Variants in CACNB4 observed in about 807,000 individuals in gnomAD.
The protein encoded by CACNB4 is voltage-dependent L-type calcium channel subunit beta-4.
CACNB4 carries 32 observed loss-of-function variants against 71.2 expected under a neutral mutation model. The observed-to-expected ratio is 0.45, with a 90% CI of 0.34 to 0.60. The LOEUF (loss-of-function observed/expected upper bound fraction) is 0.60. Among genes scored for constraint, CACNB4 ranks in the 20% least tolerant of loss-of-function variants. The pLI is 0.01. For missense variants in CACNB4, 464 were observed against 647.9 expected (o/e 0.72, Z 3.08); for synonymous variants, 231 against 236.9 (o/e 0.97, Z 0.23).
intron 2 of CACNB4, among the ~76,000 whole-genome samples, chr2:152,080,372 C>T (rs1262100436): frequency 3.9e-5 from 6 of 152,110 alleles, no homozygotes; most frequent in African/African-American, 9.7e-5. Context: ...CCCCCTGCCT[C>T]GACCTCCCAA....
rs2099835604 is a variant in CACNB4 at position 151,839,439 on chromosome 2, A to G, written c.1303-60T>C. Reference sequence around the variant, plus strand: ...GTCAGCTTCATTCATCTAAACATGTAAATGTATGTAAAATCATAGGATCTG... The same window carrying G: ...GTCAGCTTCATTCATCTAAACATGTGAATGTATGTAAAATCATAGGATCTG... On this transcript the variant is annotated intron_variant, in intron 13 of 13. Transcript: ENST00000539935. 11 of 1,308,082 alleles carry G rather than the reference A, an allele frequency of 8.4e-6. No homozygotes were observed. In the South Asian group the frequency reaches 1.2e-4, roughly 14 times the overall value. 81.0% of individuals were successfully genotyped at this position (1,308,082 alleles called of 1,614,324 possible). A position where few individuals can be genotyped will look rare whatever the true frequency, so the allele number is the denominator to read the frequency against.
intron 2 of CACNB4, among the ~76,000 whole-genome samples, chr2:151,936,969 A>G (rs1046332420): frequency 1.3e-5 from 2 of 152,238 alleles, no homozygotes; most frequent in African/African-American, 4.8e-5. Flanking sequence ...TGGCCATTAC[A>G]TGAGAATGTA....
chr2:151,869,055 T>C (rs2099843916), intron 9 of CACNB4, 122 bp downstream of exon 9: 2 of 646,278 alleles, frequency 3.1e-6, no homozygotes, highest in Non-Finnish European at 5.5e-6. Flanking sequence ...TTCCCAAGAA[T>C]ACTGAGTTAA....
intron 4 of CACNB4, chr2:151,880,493 T>C (rs2099847564): frequency 1.4e-5 from 5 of 367,226 alleles, no homozygotes; most frequent in Non-Finnish European, 2.0e-5. Context: ...TGGATCCATA[T>C]ATTTATGGCT....
intron 2 of CACNB4, among the ~76,000 whole-genome samples, chr2:151,946,090 A>C (rs1428812295): frequency 1.3e-5 from 2 of 151,986 alleles, no homozygotes; most frequent in African/African-American, 4.8e-5. Flanking sequence ...GCACTTTGGG[A>C]GGCGAAGGCT....
intron 11 of CACNB4, 188 bp downstream of exon 11, chr2:151,855,036 A>G (rs2099839927): frequency 2.4e-6 from 1 of 410,004 alleles, no homozygotes; most frequent in African/African-American, 2.0e-5. Flanking sequence ...TAGCTTTTAG[A>G]AGAAATGAAC....
At chr2:151,993,171 T>C (rs866577077) in intron 2 of CACNB4, among the ~76,000 whole-genome samples, 3 of 151,338 alleles carry the variant, frequency 2.0e-5, no homozygotes, top group Non-Finnish European at 4.4e-5. Flanking sequence ...TTTTTAAACA[T>C]CTTTTTTACT....
chr2:152,052,973 C>T (rs1180963537), intron 2 of CACNB4, among the ~76,000 whole-genome samples: 1 of 151,622 alleles, frequency 6.6e-6, no homozygotes, highest in Non-Finnish European at 1.5e-5. Context: ...CATAGCAAGA[C>T]TCTGTCTAAA....
chr2:152,038,921 T>A (rs767293115), intron 2 of CACNB4, among the ~76,000 whole-genome samples: 1 of 152,198 alleles, frequency 6.6e-6, no homozygotes, highest in Admixed American at 6.5e-5. Context: ...CTTCCTCATG[T>A]TCCCTGCTGG....
chr2:152,099,083 G>C, upstream of CACNB4: 1 of 1,018,292 alleles, frequency 9.8e-7, no homozygotes, highest in Non-Finnish European at 1.4e-6. Context: ...CTGGGCTGCG[G>C]ACGGAGGGGG....
chr2:152,005,596 A>T (rs749562446), intron 2 of CACNB4, among the ~76,000 whole-genome samples: 38 of 152,220 alleles, frequency 2.5e-4, no homozygotes, highest in Non-Finnish European at 4.7e-4. Context: ...ATCCATAGAA[A>T]CACAAACCTC....
intron 12 of CACNB4, among the ~76,000 whole-genome samples, chr2:151,844,296 C>T (rs2099836984): frequency 6.6e-6 from 1 of 152,076 alleles, no homozygotes; most frequent in South Asian, 2.1e-4. Flanking sequence ...ACGTTTGAAG[C>T]TGCAGCATAA....
chr2:152,090,009 T>C (rs986510916), intron 2 of CACNB4, among the ~76,000 whole-genome samples: 6 of 152,328 alleles, frequency 3.9e-5, no homozygotes, highest in East Asian at 1.9e-4. Context: ...TCTTCATGAA[T>C]GTGAGTGAGT....
chr2:151,842,233 T>C (rs763123157), intron 12 of CACNB4, 145 bp from the exon 13 acceptor site: 95 of 639,146 alleles, frequency 1.5e-4, no homozygotes, highest in Middle Eastern at 1.3e-3. Flanking sequence ...GTTTCTAAAG[T>C]TAGGGTCAAG....
rs182644454 is a variant in CACNB4, at chr2:151,937,712, A to G, written c.148-54342T>C. ...GTGACTTGCAGATTTGCAATGGAAC[A>G]ATGAAATCTCATGTCATGGTGCCAT... On this transcript the variant is annotated intron_variant, in intron 2 of 13. Transcript: ENST00000539935. 1.5e-4 allele frequency among the ~76,000 whole-genome samples: 23 copies of G among 152,310 alleles called. No homozygotes were observed. In the East Asian group the frequency reaches 1.5e-3, roughly 10 times the overall value.
intron 2 of CACNB4, among the ~76,000 whole-genome samples, chr2:152,009,228 G>C (rs1354813867): frequency 6.6e-6 from 1 of 151,240 alleles, no homozygotes; most frequent in African/African-American, 2.4e-5. Context: ...AAAGGAAAAA[G>C]CATCTCTTGC....
intron 12 of CACNB4, among the ~76,000 whole-genome samples, chr2:151,844,148 G>A (rs114767466): frequency 6.6e-6 from 1 of 152,142 alleles, no homozygotes; most frequent in Admixed American, 6.5e-5. Flanking sequence ...GGCACTGTGG[G>A]TATACAGTGG....
Position 151,878,768 on chromosome 2 carries a change from G to A in CACNB4, c.390+2032C>T, listed in dbSNP as rs1422355372. Among the ~76,000 whole-genome samples the A allele has an allele frequency of 6.6e-5, 10 of 150,530 alleles. No individual in the cohort carries two copies. The South Asian group carries it at 8.5e-4, about 13-fold the overall frequency. ...TACTAGACTACACAATTAGCTGGGT[G>A]TAGTAGTGCACCTGTAGTCCTAGCT... On this transcript the variant is annotated intron_variant, in intron 4 of 13. Transcript: ENST00000539935.
intron 2 of CACNB4, among the ~76,000 whole-genome samples, chr2:151,985,262 G>C (rs1681286283): frequency 6.6e-6 from 1 of 152,008 alleles, no homozygotes; most frequent in South Asian, 2.1e-4. Context: ...GTAAACTTTT[G>C]CATTCTCTTA....
Sources: allele counts gnomAD v4.1 joint callset (sites outside exome capture counted in the v4.1 genomes callset), GRCh38; gene constraint gnomAD v4.1.1; transcripts MANE v1.5; gene names NCBI Gene and HGNC (gene_info 2026-07-23, HGNC 2026-07-21).